Variants in LBP observed in about 807,000 individuals in gnomAD.
LBP encodes the protein lipopolysaccharide-binding protein.
A neutral mutation model predicts 56.6 loss-of-function variants in LBP; 53 were observed. The observed-to-expected ratio is 0.94, with a 90% confidence interval of 0.75 to 1.18. LBP has a LOEUF of 1.18. Among genes scored for constraint, LBP ranks in the 50% most tolerant of loss-of-function variants. The pLI is 0.00. For synonymous variants in LBP, 227 were observed against 247.5 expected (o/e 0.92, Z 0.78); for missense variants, 601 against 598.3 (o/e 1.00, Z -0.05).
rs375340634 is a variant in LBP, at chr20:38,369,118, C to G, written c.1105C>G (p.Leu369Val). The G allele has an allele frequency of 6.2e-7, 1 of 1,614,160 alleles. No individual in the cohort carries two copies. Among genetic ancestry groups the G allele is most frequent in the South Asian group, 1.1e-5 (1 of 91,080 alleles). Residue 369 changes from leucine to valine, a missense_variant, in exon 10 of 15, where the codon CTC becomes GTC. Transcript: ENST00000217407. ...CTATATGGAGATAGATGCCTTTGTG[C>G]TCCTGCCCAGCTCCAGCAAGGAGCC... ...DPYMEIDAFV[L>V]LPSSSKEPVF...
chr20:38,366,100 T>G (rs2076880817), intron 8 of LBP, among the ~76,000 whole-genome samples: 1 of 152,152 alleles, frequency 6.6e-6, no homozygotes. Flanking sequence ...CTTGAAGCAC[T>G]TCATAAAAGT....
At chr20:38,356,046 G>A (rs902568305) in intron 5 of LBP, among the ~76,000 whole-genome samples, 76 of 147,302 alleles carry the variant, frequency 5.2e-4, no homozygotes, top group African/African-American at 1.9e-3. Context: ...GATGGAGGAG[G>A]AAAGGGAAAA....
intron 4 of LBP, among the ~76,000 whole-genome samples, chr20:38,354,674 G>T (rs1487228061): frequency 6.6e-6 from 1 of 152,030 alleles, no homozygotes; most frequent in African/African-American, 2.4e-5. Context: ...CTTGTCAGGT[G>T]AATGAAATCT....
chr20:38,349,431 T>C, intron 1 of LBP, 117 bp from the exon 2 acceptor site: 4 of 730,626 alleles, frequency 5.5e-6, no homozygotes, highest in Non-Finnish European at 9.6e-6. Context: ...TCATTGTACT[T>C]AATGCTAATA....
intron 3 of LBP, among the ~76,000 whole-genome samples, chr20:38,351,408 C>G (rs1397196812): frequency 6.6e-6 from 1 of 152,064 alleles, no homozygotes; most frequent in Non-Finnish European, 1.5e-5. Context: ...CTGAGTTACT[C>G]CAGCCCCACG....
rs577976096 is a variant in LBP at position 38,374,359 on chromosome 20, G to A, written c.1401+346G>A. On this transcript the variant is annotated intron_variant, in intron 14 of 14. Coordinates refer to ENST00000217407, the MANE Select transcript of LBP (RefSeq NM_004139.5). ...CACGCCTGTAATCCCAGCACTTTGG[G>A]AGGCTGGGGCGGGCAGATCACGAGG... Among the ~76,000 whole-genome samples, 6 of 152,304 alleles carry A rather than the reference G, an allele frequency of 3.9e-5. No homozygotes were observed. The South Asian group carries it at 8.3e-4, about 21-fold the overall frequency.
At chr20:38,360,616 G>C in intron 5 of LBP, 88 bp from the exon 6 acceptor site, 1 of 830,166 alleles carries the variant, frequency 1.2e-6, no homozygotes, top group South Asian at 1.5e-5. Context: ...CTGAGCACAT[G>C]TGTGGAATAA....
At chr20:38,360,613 C>A in intron 5 of LBP, 91 bp from the exon 6 acceptor site, 1 of 799,550 alleles carries the variant, frequency 1.3e-6, no homozygotes, top group Non-Finnish European at 2.2e-6. Flanking sequence ...TCACTGAGCA[C>A]ATGTGTGGAA....
intron 1 of LBP, among the ~76,000 whole-genome samples, chr20:38,348,324 T>C (rs978149911): frequency 2.0e-5 from 3 of 152,114 alleles, no homozygotes; most frequent in African/African-American, 7.2e-5. Context: ...CATATTTTTT[T>C]TTTTTTTGAA....
At chr20:38,352,670 G>T (rs1437287479) in intron 3 of LBP, among the ~76,000 whole-genome samples, 1 of 152,146 alleles carries the variant, frequency 6.6e-6, no homozygotes, top group South Asian at 2.1e-4. Flanking sequence ...CAGGAGAACC[G>T]CTGTAGCCTG....
chr20:38,348,729 T>G (rs2076809503), intron 1 of LBP, among the ~76,000 whole-genome samples: 1 of 149,114 alleles, frequency 6.7e-6, no homozygotes, highest in Non-Finnish European at 1.5e-5. Context: ...GCAGTTTCAA[T>G]GGCATGCCAA....
chr20:38,372,920 C>A, intron 12 of LBP, 152 bp from the exon 13 acceptor site: 1 of 648,166 alleles, frequency 1.5e-6, no homozygotes, highest in Non-Finnish European at 2.6e-6. Flanking sequence ...ACTTGCATAC[C>A]AAATGTTCAT....
At chr20:38,355,447 G>A in intron 5 of LBP, 38 bp downstream of exon 5, 2 of 1,583,070 alleles carry the variant, frequency 1.3e-6, no homozygotes, top group Admixed American at 3.3e-5. Context: ...CCCGAGCTTG[G>A]CGAGGGCTGA....
chr20:38,356,418 GCGCACACACACACACACACA>G (rs2076840572), intron 5 of LBP, among the ~76,000 whole-genome samples: 3 of 48,984 alleles, frequency 6.1e-5, no homozygotes, highest in East Asian at 1.1e-3. Context: ...CCACACACAC[GCGCACACACACACACACACA>G]CACACACACA....
At chr20:38,364,979 A>T (rs767191265) in intron 8 of LBP, among the ~76,000 whole-genome samples, 1 of 152,214 alleles carries the variant, frequency 6.6e-6, no homozygotes, top group Non-Finnish European at 1.5e-5. Flanking sequence ...TCACGCCTGT[A>T]ATCTCAGCAC....
intron 13 of LBP, 144 bp from the exon 14 acceptor site, chr20:38,373,793 T>C: frequency 1.4e-6 from 1 of 694,500 alleles, no homozygotes; most frequent in Non-Finnish European, 2.4e-6. Flanking sequence ...ATGGAAAGAA[T>C]AATCACACCT....
At chr20:38,364,181 C>T in intron 7 of LBP, 115 bp downstream of exon 7, 1 of 730,898 alleles carries the variant, frequency 1.4e-6, no homozygotes, top group Non-Finnish European at 2.4e-6. Context: ...GTGGTTCCCG[C>T]TTTGTCAAGG....
intron 5 of LBP, among the ~76,000 whole-genome samples, chr20:38,359,960 A>T (rs1398459648): frequency 6.6e-6 from 1 of 152,146 alleles, no homozygotes; most frequent in Non-Finnish European, 1.5e-5. Flanking sequence ...ACCATTAAGA[A>T]CTATCTACAG....
At chr20:38,365,723 T>C (rs78200443) in intron 8 of LBP, among the ~76,000 whole-genome samples, 5 of 96,790 alleles carry the variant, frequency 5.2e-5, no homozygotes, top group African/African-American at 2.4e-4. Context: ...AAAAAATATA[T>C]ATATATATAT....
Sources: gnomAD v4.1 joint callset for allele counts (sites outside exome capture counted in the v4.1 genomes callset) on GRCh38, gnomAD v4.1.1 for gene constraint, MANE v1.5 for transcripts, NCBI Gene and HGNC (gene_info 2026-07-23, HGNC 2026-07-21) for gene names.